ZKSCAN7: variants seen among roughly 807,000 people sequenced by gnomAD.
The protein encoded by ZKSCAN7 is zinc finger protein with KRAB and SCAN domains 7.
In ZKSCAN7, 38 loss-of-function variants were observed where a neutral mutation model predicts 65.3. That is an observed-to-expected ratio of 0.58 (90% confidence interval 0.45 to 0.76). The LOEUF is 0.76. Among genes scored for constraint, ZKSCAN7 ranks in the 30% least tolerant of loss-of-function variants. ZKSCAN7 has a pLI of 0.00. For missense variants in ZKSCAN7, 815 were observed against 913.3 expected (o/e 0.89, Z 1.39); for synonymous variants, 321 against 321.0 (o/e 1.00, Z 0.00).
At position 44,579,975 on chromosome 3, in the gene ZKSCAN7, TG is replaced by T. The variant is rs148839493; in HGVS notation, c.812-2988del. 256 of 1,411,674 alleles carry T rather than the reference TG, an allele frequency of 1.8e-4. 2 individuals are homozygous for T. Among genetic ancestry groups the T allele is most frequent in the African/African-American group, 1.1e-3 (77 of 70,790 alleles). The allele number at this position is 1,411,674 out of a possible 1,614,324, so 87.4% of individuals were successfully genotyped here. On this transcript the variant is annotated intron_variant, in intron 5 of 5. Coordinates refer to the ZKSCAN7 transcript ENST00000341840. ...AGCCGAGGCGTCTGGGAGAGGAGCT[TG>T]GGGGGGGGCTTCATTGGTGAAGTCC...
intron 3 of ZKSCAN7, among the ~76,000 whole-genome samples, chr3:44,566,116 G>A (rs1453871230): frequency 6.6e-6 from 1 of 152,146 alleles, no homozygotes; most frequent in Non-Finnish European, 1.5e-5. Context: ...TCATGAAGGA[G>A]GTAGCAGAGT....
chr3:44,564,022 G>A (rs1200647741), intron 2 of ZKSCAN7, among the ~76,000 whole-genome samples: 1 of 152,206 alleles, frequency 6.6e-6, no homozygotes, highest in Non-Finnish European at 1.5e-5. Flanking sequence ...AGCAGATGCA[G>A]CCTAATAGGG....
Position 44,580,411 on chromosome 3 carries a change from T to C in ZKSCAN7, c.812-2561T>C. 2.5e-6 allele frequency: 4 copies of C among 1,600,912 alleles called. No individual in the cohort carries two copies. In the South Asian group the frequency reaches 4.5e-5, roughly 18 times the overall value. Reference sequence around the variant, plus strand: ...CTGCCATCTGGCTGGTCCTTGGTCCTCATTTCTTCCTGCCAGAGTGTGGAC... The same window carrying C: ...CTGCCATCTGGCTGGTCCTTGGTCCCCATTTCTTCCTGCCAGAGTGTGGAC... On this transcript the variant is annotated intron_variant, in intron 5 of 5. Transcript: ENST00000341840.
At chr3:44,579,379 C>T (rs1408964812) in intron 5 of ZKSCAN7, among the ~76,000 whole-genome samples, 1 of 152,216 alleles carries the variant, frequency 6.6e-6, no homozygotes, top group East Asian at 1.9e-4. Context: ...TCAGGGCCTG[C>T]TGGATGGGAC....
At chr3:44,578,696 C>T (rs372048039) in intron 5 of ZKSCAN7, among the ~76,000 whole-genome samples, 3 of 152,196 alleles carry the variant, frequency 2.0e-5, no homozygotes, top group Non-Finnish European at 4.4e-5. Flanking sequence ...CATCTCCTCC[C>T]GGTGGGCGTT....
intron 5 of ZKSCAN7, chr3:44,578,226 C>G: frequency 6.5e-7 from 1 of 1,532,326 alleles, no homozygotes; most frequent in East Asian, 2.3e-5. Context: ...GTGTCACTTG[C>G]GTACTTCTTG....
chr3:44,558,119 G>T (rs939718156), intron 2 of ZKSCAN7, among the ~76,000 whole-genome samples: 1 of 152,178 alleles, frequency 6.6e-6, no homozygotes, highest in South Asian at 2.1e-4. Context: ...CTAGCTCTGT[G>T]CCCATGTGTT....
At chr3:44,582,961 T>C in intron 5 of ZKSCAN7, 1 of 445,692 alleles carries the variant, frequency 2.2e-6, no homozygotes, top group Non-Finnish European at 4.5e-6. Context: ...AGTTTCACTC[T>C]TGTCTTCCAG....
intron 1 of ZKSCAN7, among the ~76,000 whole-genome samples, 168 bp from the exon 2 acceptor site, chr3:44,556,762 A>G (rs889776583): frequency 6.6e-6 from 1 of 152,190 alleles, no homozygotes; most frequent in African/African-American, 2.4e-5. Context: ...CCTGTAGGTA[A>G]TGGGAGCCAC....
Position 44,579,804 on chromosome 3 carries a change from C to G in ZKSCAN7, c.812-3168C>G, listed in dbSNP as rs921213594. 5 of 1,613,232 alleles carry G rather than the reference C, an allele frequency of 3.1e-6. No homozygotes were observed. The East Asian group carries it at 8.9e-5, about 29-fold the overall frequency. On this transcript the variant is annotated intron_variant, in intron 5 of 5. Transcript: ENST00000341840. ...CTGTAGTATCTCAGGCTTTGATCGG[C>G]GAGGACAAACCAGTGTTTCTTCCAC...
At chr3:44,562,784 C>T (rs899118201) in intron 2 of ZKSCAN7, among the ~76,000 whole-genome samples, 1 of 152,072 alleles carries the variant, frequency 6.6e-6, no homozygotes, top group African/African-American at 2.4e-5. Context: ...AGATCGAGAC[C>T]ACGGTGAAAC....
chr3:44,580,832 C>G, intron 5 of ZKSCAN7: 1 of 1,613,512 alleles, frequency 6.2e-7, no homozygotes, highest in South Asian at 1.1e-5. Flanking sequence ...ATTTCGGAGA[C>G]CGGTGCACTG....
chr3:44,563,240 A>T (rs1272713833), intron 2 of ZKSCAN7, among the ~76,000 whole-genome samples: 1 of 152,190 alleles, frequency 6.6e-6, no homozygotes, highest in Non-Finnish European at 1.5e-5. Context: ...ACTTTCCCAC[A>T]TCTTCCTGTC....
chr3:44,561,141 A>G (rs985393344), intron 2 of ZKSCAN7, among the ~76,000 whole-genome samples: 3 of 152,224 alleles, frequency 2.0e-5, no homozygotes, highest in African/African-American at 7.2e-5. Flanking sequence ...AATTAAAAAG[A>G]AAAGAGGTTT....
At chr3:44,557,666 T>C in intron 2 of ZKSCAN7, 196 bp downstream of exon 2, 2 of 709,274 alleles carry the variant, frequency 2.8e-6, no homozygotes, top group Non-Finnish European at 2.3e-6. Context: ...AGCTCTGTGA[T>C]TCACCCTGTG....
chr3:44,573,809 C>T (rs76712836), downstream of ZKSCAN7, among the ~76,000 whole-genome samples: 1 of 152,124 alleles, frequency 6.6e-6, no homozygotes, highest in South Asian at 2.1e-4. Flanking sequence ...CCACACTAAC[C>T]CTCTAGAGGT....
chr3:44,580,786 G>C, intron 5 of ZKSCAN7: 3 of 1,612,680 alleles, frequency 1.9e-6, no homozygotes, highest in Non-Finnish European at 2.5e-6. Context: ...TAGCGCAAGA[G>C]GCCATGCTCG....
At position 44,565,607 on chromosome 3, in the gene ZKSCAN7, G is replaced by A; in HGVS notation, c.544G>A (p.Glu182Lys). Residue 182 changes from glutamate (E) to lysine (K), a missense_variant, in exon 3 of 6, where the codon GAG becomes AAG. By Grantham distance (56) the Glu-to-Lys change is moderately conservative. Transcript: ENST00000426540. ...GGGCTCAGCCCCTGGAGCCCACCTGGAGCCTCCTTATGACCCAGGGACACA... is the reference window on the plus strand; with the variant it reads ...GGGCTCAGCCCCTGGAGCCCACCTGAAGCCTCCTTATGACCCAGGGACACA... ...SGGSAPGAHLEPPYDPGTHHL... is the reference protein window; with the variant it reads ...SGGSAPGAHLKPPYDPGTHHL... 1.2e-6 allele frequency: 2 copies of A among 1,612,140 alleles called. No individual in the cohort carries two copies. Among genetic ancestry groups the A allele is most frequent in the East Asian group, 4.5e-5 (2 of 44,800 alleles).
rs138653412 is a variant in ZKSCAN7 at position 44,570,184 on chromosome 3, G to A, written c.1074G>A (p.Lys358=). The A allele has an allele frequency of 2.4e-5, 38 of 1,614,092 alleles. No homozygotes were observed. In the African/African-American group the frequency reaches 3.3e-4, roughly 14 times the overall value. Residue 358 remains lysine, a synonymous_variant, in exon 6 of 6, where the codon AAG becomes AAA. Coordinates refer to ENST00000426540, the MANE Select transcript of ZKSCAN7 (RefSeq NM_001288590.2). ...KSTKDRYDKY[K]EVGEHPPLSS... ...CAAAAGACAGATATGACAAATATAA[G>A]GAAGTTGGGGAACATCCACCTCTGT...
Sources: allele counts gnomAD v4.1 joint callset (sites outside exome capture counted in the v4.1 genomes callset), GRCh38; gene constraint gnomAD v4.1.1; transcripts MANE v1.5; gene names NCBI Gene and HGNC (gene_info 2026-07-23, HGNC 2026-07-21).